PCBP3: variants seen among roughly 807,000 people sequenced by gnomAD.
PCBP3 encodes poly(rC) binding protein 3.
In PCBP3, 25 loss-of-function variants were observed where a neutral mutation model predicts 52.7. The ratio of observed to expected loss-of-function variants is 0.47; its 90% CI spans 0.35 to 0.66. PCBP3 has a LOEUF of 0.66. Ranked by LOEUF, PCBP3 falls within the 30% of genes least tolerant of loss-of-function variation. The pLI is 0.01. For synonymous variants in PCBP3, 162 were observed against 183.0 expected, an observed-to-expected ratio of 0.89 and a Z score of 0.93; for missense variants, 391 against 490.3, an observed-to-expected ratio of 0.80 and a Z score of 1.91.
chr21:45,814,907 G>GT (rs975047372), intron 4 of PCBP3, among the ~76,000 whole-genome samples: 2 of 138,596 alleles, frequency 1.4e-5, no homozygotes, highest in African/African-American at 2.8e-5. Flanking sequence ...TGGTGAGTGA[G>GT]TGGTGAGTGA....
At chr21:45,892,308 C>T (rs1314799183) in intron 5 of PCBP3, among the ~76,000 whole-genome samples, 1 of 152,210 alleles carries the variant, frequency 6.6e-6, no homozygotes, top group Non-Finnish European at 1.5e-5. Flanking sequence ...AGTTCCTCTA[C>T]AAGGGTCATG....
chr21:45,690,456 A>G (rs1458089142), intron 2 of PCBP3, among the ~76,000 whole-genome samples: 2 of 152,178 alleles, frequency 1.3e-5, no homozygotes, highest in Non-Finnish European at 2.9e-5. Context: ...GCAATACATC[A>G]ACAAAAGAAA....
chr21:45,742,403 A>C (rs1470160687), intron 3 of PCBP3, among the ~76,000 whole-genome samples: 1 of 152,228 alleles, frequency 6.6e-6, no homozygotes, highest in Non-Finnish European at 1.5e-5. Context: ...CACATGGCTT[A>C]GCTCTTTAAC....
At chr21:45,820,592 C>G (rs560574156) in intron 4 of PCBP3, among the ~76,000 whole-genome samples, 1 of 152,216 alleles carries the variant, frequency 6.6e-6, no homozygotes, top group Non-Finnish European at 1.5e-5. Flanking sequence ...GGGGGTGAGA[C>G]TGTGCTCCGG....
At chr21:45,841,904 CTG>C (rs1172881680) in intron 4 of PCBP3, among the ~76,000 whole-genome samples, 1 of 152,252 alleles carries the variant, frequency 6.6e-6, no homozygotes, top group Non-Finnish European at 1.5e-5. Flanking sequence ...TTCCCTGACT[CTG>C]TTGTCTAGAG....
At chr21:45,867,088 C>G (rs2094764522) in intron 5 of PCBP3, among the ~76,000 whole-genome samples, 1 of 152,266 alleles carries the variant, frequency 6.6e-6, no homozygotes, top group Admixed American at 6.5e-5. Context: ...GTTTAGTACT[C>G]TGCCACACAC....
intron 4 of PCBP3, among the ~76,000 whole-genome samples, chr21:45,832,431 A>G (rs1452949421): frequency 6.6e-6 from 1 of 152,188 alleles, no homozygotes; most frequent in Non-Finnish European, 1.5e-5. Flanking sequence ...GCAGCCCAAC[A>G]GGTCTCAGCC....
At chr21:45,898,611 A>G (rs112611674) in intron 6 of PCBP3, among the ~76,000 whole-genome samples, 8,013 of 53,488 alleles carry the variant, frequency 0.15, 1,015 homozygotes, top group East Asian at 0.45. Flanking sequence ...CCCTCTACAC[A>G]CCGTCCTCAC....
intron 3 of PCBP3, among the ~76,000 whole-genome samples, chr21:45,746,842 C>T (rs113770748): frequency 1.9e-4 from 6 of 32,284 alleles, no homozygotes; most frequent in East Asian, 1.0e-3. Context: ...TGTCAGTCCA[C>T]TGACGTAGCG....
chr21:45,685,485 A>G (rs987359823), intron 2 of PCBP3, among the ~76,000 whole-genome samples: 3 of 152,234 alleles, frequency 2.0e-5, no homozygotes, highest in Admixed American at 2.0e-4. Context: ...CCCATGGTGG[A>G]GTAACCAGGA....
chr21:45,911,351 G>A, intron 11 of PCBP3: 1 of 343,896 alleles, frequency 2.9e-6, no homozygotes, highest in Non-Finnish European at 5.7e-6. Context: ...CTGAGTTGGA[G>A]CTGCAGAAAC....
intron 4 of PCBP3, among the ~76,000 whole-genome samples, chr21:45,772,907 G>A (rs1351748857): frequency 1.3e-5 from 2 of 151,946 alleles, no homozygotes; most frequent in East Asian, 3.9e-4. Context: ...AAGGTCCTTT[G>A]TTCACTTTTT....
rs200848679 is a variant in PCBP3 at position 45,701,760 on chromosome 21, A to C, written c.-200+32808A>C. 3.3e-4 allele frequency among the ~76,000 whole-genome samples: 51 copies of C among 152,284 alleles called. No individual in the cohort carries two copies. The East Asian group carries it at 6.8e-3, about 20-fold the overall frequency. The stretch of plus-strand genomic sequence containing the variant: ...TTTTTAGTAGAGACGAGGTTTTGCC[A>C]TGTTGGCCAGGCTGGCCTTGAACTC... On this transcript the variant is annotated intron_variant, in intron 2 of 17. Coordinates refer to ENST00000681687, the MANE Select transcript of PCBP3 (RefSeq NM_001384156.1).
chr21:45,913,893 T>C (rs866091898), intron 11 of PCBP3, 58 bp from the exon 12 acceptor site: 1 of 1,526,430 alleles, frequency 6.6e-7, no homozygotes, highest in Middle Eastern at 1.7e-4. Flanking sequence ...CGCCTCCCCA[T>C]TGCCAGGCTG....
intron 9 of PCBP3, 51 bp from the exon 10 acceptor site, chr21:45,909,304 T>C: frequency 6.3e-7 from 1 of 1,581,568 alleles, no homozygotes; most frequent in Non-Finnish European, 8.6e-7. Context: ...CCTCCTGCTT[T>C]CTCACTGCAC....
intron 4 of PCBP3, among the ~76,000 whole-genome samples, chr21:45,781,158 C>G (rs2090609389): frequency 6.6e-6 from 1 of 152,110 alleles, no homozygotes; most frequent in African/African-American, 2.4e-5. Context: ...AAAGTCCAAC[C>G]TATATTCAGA....
chr21:45,870,460 C>T (rs746503386), intron 5 of PCBP3, among the ~76,000 whole-genome samples: 74 of 152,354 alleles, frequency 4.9e-4, no homozygotes, highest in South Asian at 1.2e-3. Context: ...GCACACCCTT[C>T]CTAGGGCAGC....
chr21:45,677,623 A>G lies in PCBP3; in HGVS notation c.-200+8671A>G, dbSNP rs545434091. ...CCATCTAGGACACCCATAGCTAGAG[A>G]AAAGAAGTCAATGCCTGGCTTCAAA... On this transcript the variant is annotated intron_variant, in intron 2 of 17. Coordinates refer to ENST00000681687, the MANE Select transcript of PCBP3 (RefSeq NM_001384156.1). Among the ~76,000 whole-genome samples, 37 of 152,338 alleles carry G rather than the reference A, an allele frequency of 2.4e-4. 1 individual carries two copies. In the South Asian group the frequency reaches 7.7e-3, roughly 32 times the overall value.
At chr21:45,851,237 G>A (rs941216278) in intron 5 of PCBP3, among the ~76,000 whole-genome samples, 8 of 152,228 alleles carry the variant, frequency 5.3e-5, no homozygotes, top group Non-Finnish European at 1.0e-4. Context: ...TGGAAGGGCC[G>A]GGCGTGGTGG....
Sources: allele counts gnomAD v4.1 joint callset (sites outside exome capture counted in the v4.1 genomes callset), GRCh38; gene constraint gnomAD v4.1.1; transcripts MANE v1.5; gene names NCBI Gene and HGNC (gene_info 2026-07-23, HGNC 2026-07-21).